IPO11: variants seen among roughly 807,000 people sequenced by gnomAD.
IPO11 encodes the protein importin-11.
Under a neutral mutation model 143.2 loss-of-function variants are expected in IPO11, and 66 were observed. That is an observed-to-expected ratio of 0.46 (90% CI 0.38 to 0.57). The LOEUF (loss-of-function observed/expected upper bound fraction) is 0.57. Ranked by LOEUF, IPO11 falls within the 20% of genes least tolerant of loss-of-function variation. The pLI is 0.00. For synonymous variants in IPO11, 385 were observed against 377.8 expected (o/e 1.02, Z -0.22); for missense variants, 1,026 against 1,141.0 (o/e 0.90, Z 1.45).
At chr5:62,454,253 T>C (rs570970605) in intron 5 of IPO11, among the ~76,000 whole-genome samples, 6 of 152,348 alleles carry the variant, frequency 3.9e-5, no homozygotes, top group Admixed American at 3.3e-4. Flanking sequence ...TTTTGCTTGA[T>C]TTCTAGCGAG....
At chr5:62,599,716 T>C (rs1289693283) in intron 28 of IPO11, among the ~76,000 whole-genome samples, 2 of 152,244 alleles carry the variant, frequency 1.3e-5, no homozygotes, top group African/African-American at 2.4e-5. Context: ...TGGCCACTTA[T>C]ATTCACGTTA....
chr5:62,575,909 T>C (rs182584776), intron 27 of IPO11: 11 of 152,378 alleles, frequency 7.2e-5, no homozygotes, highest in Middle Eastern at 3.4e-3. Context: ...CTAAATTTTT[T>C]TTTCCAGGAA....
Position 62,596,268 on chromosome 5 carries a change from C to CAAA in IPO11, c.2678+4609_2678+4611dup, listed in dbSNP as rs71608515. On this transcript the variant is annotated intron_variant, in intron 28 of 29. Coordinates refer to ENST00000325324, the MANE Select transcript of IPO11 (RefSeq NM_016338.5). ...TGGGTGACAGACCAAGGCCCTGTCT[C>CAAA]AAAAAAAAAAAAAAAGAATTTAGCC... Among the ~76,000 whole-genome samples, 353 of 95,658 alleles carry CAAA rather than the reference C, an allele frequency of 3.7e-3. 8 individuals carry two copies. Among genetic ancestry groups the CAAA allele is most frequent in the Non-Finnish European group, 5.6e-3 (286 of 51,450 alleles). The allele number at this position is 95,658 out of a possible 152,430, so 62.8% of individuals were successfully genotyped here.
At chr5:62,585,864 TGGAA>T (rs979121677) in intron 27 of IPO11, among the ~76,000 whole-genome samples, 2 of 152,146 alleles carry the variant, frequency 1.3e-5, no homozygotes, top group Non-Finnish European at 2.9e-5. Flanking sequence ...ATTGAGTAAA[TGGAA>T]GGGTAAATGA....
intron 5 of IPO11, among the ~76,000 whole-genome samples, chr5:62,464,143 G>GTTTTTTTTTTTTT (rs34056674): frequency 1.3e-5 from 1 of 78,680 alleles, no homozygotes; most frequent in Non-Finnish European, 2.3e-5. Flanking sequence ...GTTTTTGGTG[G>GTTTTTTTTTTTTT]TTTTTTTTTT....
intron 27 of IPO11, among the ~76,000 whole-genome samples, chr5:62,570,673 G>T (rs1744104231): frequency 6.6e-6 from 1 of 152,172 alleles, no homozygotes; most frequent in Non-Finnish European, 1.5e-5. Context: ...CTGAATGCTT[G>T]TTAATTTGAT....
In IPO11 at chr5:62,537,214, C is replaced by T. The variant is rs367697271; in HGVS notation, c.2175C>T (p.Tyr725=). The T allele has an allele frequency of 5.4e-5, 85 of 1,583,106 alleles. No individual in the cohort carries two copies. The highest frequency in any genetic ancestry group is 3.6e-4 in the South Asian group (32 of 87,682). ...GACTTTTAATTGAATTTCAGACATA[C>T]GCAGTAGGTCTATGCCAGTCCTTTT... is the stretch of plus-strand genomic sequence containing the variant. ...FLSSTEFLQT[Y]AVGLCQSFCE... The change falls in exon 24 of 30, where the codon TAC becomes TAT. Residue 725 remains tyrosine (Y), a synonymous_variant. Transcript: ENST00000325324.
intron 27 of IPO11, among the ~76,000 whole-genome samples, chr5:62,570,063 G>A (rs919587814): frequency 2.0e-5 from 3 of 152,072 alleles, no homozygotes; most frequent in Non-Finnish European, 2.9e-5. Flanking sequence ...TTTTTGAATT[G>A]GCTAATAATT....
chr5:62,545,667 C>G (rs1416418549), intron 24 of IPO11, among the ~76,000 whole-genome samples: 4 of 152,144 alleles, frequency 2.6e-5, no homozygotes, highest in African/African-American at 4.8e-5. Context: ...AACAGGCAAC[C>G]TACAGAATGG....
intron 22 of IPO11, among the ~76,000 whole-genome samples, chr5:62,531,956 T>C (rs1419902744): frequency 6.6e-6 from 1 of 152,170 alleles, no homozygotes; most frequent in Non-Finnish European, 1.5e-5. Context: ...TAGGGTTCTT[T>C]GGTGAAGGCC....
chr5:62,433,332 CA>C, intron 1 of IPO11, among the ~76,000 whole-genome samples: 1 of 152,200 alleles, frequency 6.6e-6, no homozygotes, highest in East Asian at 1.9e-4. Flanking sequence ...CTGTTAGTAG[CA>C]GGTAAAGATG....
chr5:62,468,267 TCA>T (rs1249931477), intron 6 of IPO11, among the ~76,000 whole-genome samples: 3 of 152,280 alleles, frequency 2.0e-5, no homozygotes, highest in African/African-American at 7.2e-5. Flanking sequence ...TCTCTTACTC[TCA>T]GTTTGCATTC....
intron 24 of IPO11, among the ~76,000 whole-genome samples, chr5:62,543,984 A>G (rs1191865457): frequency 1.3e-5 from 2 of 152,144 alleles, no homozygotes; most frequent in Non-Finnish European, 2.9e-5. Context: ...GTTTCCATGT[A>G]GTTGAGCGGT....
intron 5 of IPO11, among the ~76,000 whole-genome samples, 155 bp downstream of exon 5, chr5:62,452,088 T>A (rs1333582193): frequency 1.3e-5 from 2 of 151,090 alleles, no homozygotes; most frequent in African/African-American, 4.9e-5. Context: ...TACTAAAAAC[T>A]ACAAAAATTA....
intron 16 of IPO11, among the ~76,000 whole-genome samples, chr5:62,499,569 C>CTTTTTTTTTTTTTTTTTTTTTT (rs35545041): frequency 1.0e-5 from 1 of 100,104 alleles, no homozygotes; most frequent in Non-Finnish European, 1.9e-5. Context: ...CTTACTCTAA[C>CTTTTTTTTTTTTTTTTTTTTTT]TTTTTTTTTT....
intron 1 of IPO11, among the ~76,000 whole-genome samples, chr5:62,418,067 C>T (rs1346913128): frequency 1.3e-5 from 2 of 152,112 alleles, no homozygotes; most frequent in African/African-American, 2.4e-5. Flanking sequence ...CTCGTCTCAC[C>T]GCAACCTCTG....
At chr5:62,537,396 T>A (rs1742771195) in intron 24 of IPO11, 107 bp downstream of exon 24, 1 of 718,502 alleles carries the variant, frequency 1.4e-6, no homozygotes, top group South Asian at 1.9e-5. Context: ...GTTGATATAG[T>A]TCTAGACAGG....
rs566101487 is a variant in IPO11 at position 62,581,109 on chromosome 5, G to A, written c.2583-10468G>A. 18 of 1,549,372 alleles carry A rather than the reference G, an allele frequency of 1.2e-5. No individual in the cohort carries two copies. The East Asian group carries it at 4.2e-4, about 36-fold the overall frequency. On this transcript the variant is annotated intron_variant, in intron 27 of 29. Coordinates refer to ENST00000325324, the MANE Select transcript of IPO11 (RefSeq NM_016338.5). Reference sequence around the variant, plus strand: ...TTGTTCAGTTTAAACAAAAACTAAAGGCATCAGAAAACTCAAGGGAAAATA... The same window carrying A: ...TTGTTCAGTTTAAACAAAAACTAAAAGCATCAGAAAACTCAAGGGAAAATA...
chr5:62,561,469 T>C (rs1743769552), intron 27 of IPO11, among the ~76,000 whole-genome samples: 1 of 151,658 alleles, frequency 6.6e-6, no homozygotes, highest in Non-Finnish European at 1.5e-5. Flanking sequence ...GGGCTGTAGT[T>C]TATTTTGGTT....
Sources: gnomAD v4.1 joint callset for allele counts (sites outside exome capture counted in the v4.1 genomes callset) on GRCh38, gnomAD v4.1.1 for gene constraint, MANE v1.5 for transcripts, NCBI Gene and HGNC (gene_info 2026-07-23, HGNC 2026-07-21) for gene names.